The following NFX1 variants were observed in gnomAD, a reference collection of about 807,000 sequenced individuals.
NFX1 encodes the protein transcriptional repressor NF-X1.
NFX1 carries 69 observed loss-of-function variants against 137.2 expected under a neutral mutation model. The ratio of observed to expected loss-of-function variants is 0.50; its 90% CI spans 0.41 to 0.61. The LOEUF is 0.61. NFX1 is among the 20% of genes least tolerant of loss of function. The pLI, the probability that NFX1 is intolerant of heterozygous loss-of-function variation, is 0.00. For synonymous variants in NFX1, 495 were observed against 474.1 expected (o/e 1.04, Z -0.57); for missense variants, 1,167 against 1,391.0 (o/e 0.84, Z 2.56).
At chr9:33,302,111 T>G (rs1047570053) in intron 3 of NFX1, among the ~76,000 whole-genome samples, 5 of 152,124 alleles carry the variant, frequency 3.3e-5, no homozygotes, top group African/African-American at 1.2e-4. Flanking sequence ...TTTTAAATTT[T>G]TACTATGCAT....
At chr9:33,330,917 G>T (rs1355644105) in intron 10 of NFX1, among the ~76,000 whole-genome samples, 2 of 152,126 alleles carry the variant, frequency 1.3e-5, no homozygotes, top group Non-Finnish European at 2.9e-5. Flanking sequence ...GGTGGCTCAC[G>T]CCTGTAATCC....
chr9:33,308,024 C>T (rs1821822010), intron 5 of NFX1, among the ~76,000 whole-genome samples: 1 of 151,954 alleles, frequency 6.6e-6, no homozygotes, highest in Non-Finnish European at 1.5e-5. Flanking sequence ...AGGTTGGTCT[C>T]GAACTCCTGG....
chr9:33,332,597 C>T, intron 11 of NFX1, 95 bp downstream of exon 11: 1 of 817,626 alleles, frequency 1.2e-6, no homozygotes, highest in South Asian at 1.7e-5. Context: ...TGTCAAAATT[C>T]AGTGAAGGCA....
At chr9:33,352,828 CG>C (rs1190475257) in intron 17 of NFX1, 109 bp downstream of exon 17, 15 of 820,420 alleles carry the variant, frequency 1.8e-5, no homozygotes, top group African/African-American at 1.2e-4. Flanking sequence ...GGAGAAGAAA[CG>C]AAGTCTGTAA....
At chr9:33,308,142 C>T (rs1821827530) in intron 5 of NFX1, among the ~76,000 whole-genome samples, 1 of 152,118 alleles carries the variant, frequency 6.6e-6, no homozygotes, top group Non-Finnish European at 1.5e-5. Context: ...AAATAGCCAG[C>T]TGTAGATTAT....
chr9:33,318,644 A>G (rs975356140), intron 7 of NFX1, 87 bp from the exon 8 acceptor site: 10 of 1,278,652 alleles, frequency 7.8e-6, no homozygotes, highest in East Asian at 2.3e-5. Context: ...CCAGGCCCGC[A>G]TTTTGTATTT....
At position 33,366,780 on chromosome 9, in the gene NFX1, T is replaced by G. The variant is rs1473602008; in HGVS notation, c.3185+6T>G. 6.2e-7 allele frequency: 1 copy of G among 1,612,294 alleles called. No homozygotes were observed. Among genetic ancestry groups the G allele is most frequent in the Admixed American group, 1.7e-5 (1 of 59,948 alleles). ...GTGGTGGTCACTGCCATCAGGTAGG[T>G]CAATCCCGCCGTCAGAGGAAGAACT... On this transcript the variant is annotated splice_donor_region_variant and intron_variant, in intron 22 of 23. Coordinates refer to ENST00000379540, the MANE Select transcript of NFX1 (RefSeq NM_002504.6).
intron 1 of NFX1, among the ~76,000 whole-genome samples, chr9:33,293,935 A>G (rs1483449483): frequency 6.6e-6 from 1 of 152,258 alleles, no homozygotes; most frequent in Non-Finnish European, 1.5e-5. Flanking sequence ...AAGGAAACTA[A>G]GGCTAAAAGC....
chr9:33,312,730 G>T (rs532403985), intron 6 of NFX1, among the ~76,000 whole-genome samples: 1 of 152,320 alleles, frequency 6.6e-6, no homozygotes, highest in East Asian at 1.9e-4. Flanking sequence ...AATTGGCTGG[G>T]TGTGGTGACA....
chr9:33,317,525 C>T (rs1564115495), intron 7 of NFX1, among the ~76,000 whole-genome samples: 2 of 147,116 alleles, frequency 1.4e-5, no homozygotes, highest in Admixed American at 6.8e-5. Context: ...ATCTTAAATT[C>T]AGCTAATTAA....
At chr9:33,353,878 C>T (rs1427641913) in intron 17 of NFX1, among the ~76,000 whole-genome samples, 1 of 151,740 alleles carries the variant, frequency 6.6e-6, no homozygotes, top group African/African-American at 2.4e-5. Flanking sequence ...TTAGTAGAGA[C>T]GGGGTTTCAC....
intron 20 of NFX1, 79 bp downstream of exon 20, chr9:33,364,187 A>T: frequency 1.1e-6 from 1 of 901,704 alleles, no homozygotes; most frequent in African/African-American, 1.7e-5. Context: ...ACTAATATGT[A>T]CTCCTCCTGT....
At chr9:33,294,319 A>T in intron 1 of NFX1, 101 bp from the exon 2 acceptor site, 5 of 1,128,218 alleles carry the variant, frequency 4.4e-6, no homozygotes, top group Non-Finnish European at 6.3e-6. Flanking sequence ...TGTTTTATAC[A>T]AAGTTCTAAG....
intron 7 of NFX1, among the ~76,000 whole-genome samples, chr9:33,314,750 A>G (rs1450001227): frequency 6.6e-6 from 1 of 152,206 alleles, no homozygotes; most frequent in Non-Finnish European, 1.5e-5. Context: ...TAAAAATTAG[A>G]AAATGGTTGC....
At chr9:33,355,172 C>G (rs1353795865) in intron 19 of NFX1, among the ~76,000 whole-genome samples, 1 of 152,162 alleles carries the variant, frequency 6.6e-6, no homozygotes, top group Non-Finnish European at 1.5e-5. Context: ...AACTTCCTGA[C>G]TCAGAGATAA....
chr9:33,294,764 C>T lies in NFX1; in HGVS notation c.370C>T (p.Leu124Phe), dbSNP rs765733144. The T allele has an allele frequency of 1.9e-6, 3 of 1,614,084 alleles. No homozygotes were observed. Among genetic ancestry groups the T allele is most frequent in the Non-Finnish European group, 2.5e-6 (3 of 1,180,036 alleles). Residue 124 changes from leucine to phenylalanine, a missense_variant, in exon 2 of 24, where the codon CTT becomes TTT. Transcript: ENST00000379540. ...HHIRVKKAQS[L>F]AEQTSDTAGL... ...TATCAGAGTCAAGAAAGCACAGAGT[C>T]TTGCTGAGCAGACCTCAGATACAGC...
intron 9 of NFX1, among the ~76,000 whole-genome samples, chr9:33,321,284 C>A (rs1210343697): frequency 6.6e-6 from 1 of 152,112 alleles, no homozygotes; most frequent in African/African-American, 2.4e-5. Flanking sequence ...AGGGTACCTG[C>A]TATACCTCAG....
intron 9 of NFX1, among the ~76,000 whole-genome samples, chr9:33,321,400 A>G (rs1822378711): frequency 6.6e-6 from 1 of 152,212 alleles, no homozygotes; most frequent in South Asian, 2.1e-4. Flanking sequence ...GTTCAGACCT[A>G]GCTTATCTAT....
At chr9:33,367,234 G>A (rs552519942) in intron 22 of NFX1, among the ~76,000 whole-genome samples, 29 of 152,210 alleles carry the variant, frequency 1.9e-4, no homozygotes, top group Non-Finnish European at 4.0e-4. Flanking sequence ...GTGACCAGGA[G>A]GGGACAGGGA....
Sources: allele counts gnomAD v4.1 joint callset (sites outside exome capture counted in the v4.1 genomes callset), GRCh38; gene constraint gnomAD v4.1.1; transcripts MANE v1.5; gene names NCBI Gene and HGNC (gene_info 2026-07-23, HGNC 2026-07-21).